DYNC2I2: variants seen among roughly 807,000 people sequenced by gnomAD.
The protein encoded by DYNC2I2 is dynein 2 intermediate chain 2.
A neutral mutation model predicts 52.0 loss-of-function variants in DYNC2I2; 39 were observed. That is an observed-to-expected ratio of 0.75 (90% confidence interval 0.58 to 0.98). DYNC2I2 has a LOEUF of 0.98. DYNC2I2 is among the 50% of genes least tolerant of loss of function. The pLI, the probability that DYNC2I2 is intolerant of heterozygous loss-of-function variation, is 0.00. For synonymous variants in DYNC2I2, 359 were observed against 321.1 expected (o/e 1.12, Z -1.26); for missense variants, 743 against 728.4 (o/e 1.02, Z -0.23).
the DYNC2I2 span, among the ~76,000 whole-genome samples, chr9:128,672,618 A>G: frequency 6.6e-6 from 1 of 152,170 alleles, no homozygotes; most frequent in Non-Finnish European, 1.5e-5. Flanking sequence ...GAGAAAAAAA[A>G]AAAGGAAAAA....
In DYNC2I2 at chr9:128,656,562, G is replaced by T. The variant is rs1589438550; in HGVS notation, c.165C>A (p.Val55=). 4 of 1,464,076 alleles carry T rather than the reference G, an allele frequency of 2.7e-6. No individual in the cohort carries two copies. The highest frequency in any genetic ancestry group is 3.6e-6 in the Non-Finnish European group (4 of 1,114,996). 90.7% of individuals were successfully genotyped at this position (1,464,076 alleles called of 1,614,324 possible). Reference sequence around the variant, plus strand: ...TCACCGTCTCCCAGCGGATGCCCTGGACGGCCCTCCACTGCGAGGGCACGG... The same window carrying T: ...TCACCGTCTCCCAGCGGATGCCCTGTACGGCCCTCCACTGCGAGGGCACGG... ...VASVPSQWRA[V]QGIRWETKSC... is the part of the protein sequence containing the mutation. Residue 55 remains valine, a synonymous_variant, in exon 1 of 9, where the codon GTC becomes GTA. Transcript: ENST00000372715.
intron 2 of DYNC2I2, among the ~76,000 whole-genome samples, chr9:128,638,780 G>T (rs1376152627): frequency 2.0e-5 from 3 of 152,162 alleles, no homozygotes; most frequent in African/African-American, 7.2e-5. Flanking sequence ...TAGCCAAAAA[G>T]GGGAATAGCC....
At chr9:128,635,989 C>T (rs1589429565) in intron 4 of DYNC2I2, 2 of 675,858 alleles carry the variant, frequency 3.0e-6, no homozygotes, top group East Asian at 5.4e-5. Flanking sequence ...TGGCAGCTCC[C>T]TCCAGCGTTG....
At chr9:128,653,187 C>A (rs1860751682) in intron 1 of DYNC2I2, among the ~76,000 whole-genome samples, 1 of 150,996 alleles carries the variant, frequency 6.6e-6, no homozygotes, top group Non-Finnish European at 1.5e-5. Context: ...TGAGATCACA[C>A]CACTGCACTT....
rs1439600245 is a variant in DYNC2I2 at position 128,636,424 on chromosome 9, T to A, written c.560A>T (p.Asp187Val). The stretch of plus-strand genomic sequence containing the variant: ...CACGAAGGACTTAAGCGTGCTCCAG[T>A]CCCCATGGTCCAGCCTGTGCAGGGA... ...ACAYGRLDHG[D>V]WSTLKSFVCA... Residue 187 changes from aspartate (D) to valine (V), a missense_variant, in exon 4 of 9, where the codon GAC (aspartate) becomes GTC (valine). Coordinates refer to ENST00000372715, the MANE Select transcript of DYNC2I2 (RefSeq NM_052844.4). 2.5e-6 allele frequency: 4 copies of A among 1,605,328 alleles called. No homozygotes were observed. The highest frequency in any genetic ancestry group is 3.4e-6 in the Non-Finnish European group (4 of 1,178,030).
chr9:128,656,785 G>A lies in DYNC2I2; in HGVS notation c.-59C>T, dbSNP rs1860838834. 1.5e-6 allele frequency: 2 copies of A among 1,306,978 alleles called. No individual in the cohort carries two copies. The highest frequency in any genetic ancestry group is 2.0e-5 in the South Asian group (1 of 48,798). 81.0% of individuals were successfully genotyped at this position (1,306,978 alleles called of 1,614,324 possible). A position where few individuals can be genotyped will look rare whatever the true frequency, so the allele number is the denominator to read the frequency against. On this transcript the variant is annotated 5_prime_UTR_variant, in exon 1 of 9. Transcript: ENST00000372715. ...CAGGCGCGACCTCCGCCCCTACGCC[G>A]CCATGAGCGGAAAACGGGGAATGTG...
the DYNC2I2 span, among the ~76,000 whole-genome samples, chr9:128,666,695 G>A: frequency 6.6e-6 from 1 of 150,704 alleles, no homozygotes; most frequent in African/African-American, 2.4e-5. Context: ...GGAGGCAGAG[G>A]TTTCAGTGAC....
chr9:128,643,717 C>T (rs72758830), intron 1 of DYNC2I2, among the ~76,000 whole-genome samples: 2 of 152,036 alleles, frequency 1.3e-5, no homozygotes, highest in Non-Finnish European at 2.9e-5. Context: ...CTCTGGGAAT[C>T]GTGGAAAGAA....
intron 1 of DYNC2I2, among the ~76,000 whole-genome samples, chr9:128,653,305 G>A (rs572304796): frequency 2.0e-5 from 3 of 151,256 alleles, no homozygotes; most frequent in Admixed American, 6.6e-5. Context: ...TTGGGAGGCC[G>A]AGGCAGGCAG....
At chr9:128,658,721 ATTTTTTTTTTTTT>A (rs746310535), upstream of DYNC2I2, among the ~76,000 whole-genome samples, 1 of 91,552 alleles carries the variant, frequency 1.1e-5, no homozygotes, top group Non-Finnish European at 2.0e-5. Context: ...ACCTGACCTA[ATTTTTTTTTTTTT>A]TTTTTTTTTT....
At chr9:128,656,889 G>A (rs889123124), upstream of DYNC2I2, 3 of 735,542 alleles carry the variant, frequency 4.1e-6, no homozygotes, top group South Asian at 3.0e-5. Context: ...GATTCTTCTC[G>A]GCCAGAGAGA....
intron 1 of DYNC2I2, among the ~76,000 whole-genome samples, chr9:128,653,185 C>T (rs1860751590): frequency 6.6e-6 from 1 of 150,766 alleles, no homozygotes; most frequent in African/African-American, 2.5e-5. Context: ...GCTGAGATCA[C>T]ACCACTGCAC....
intron 2 of DYNC2I2, among the ~76,000 whole-genome samples, chr9:128,638,063 C>A (rs1860447384): frequency 6.6e-6 from 1 of 151,290 alleles, no homozygotes; most frequent in African/African-American, 2.4e-5. Context: ...ATGGTGAAAC[C>A]CCGTCTCTAC....
At chr9:128,683,404 G>A in the DYNC2I2 span, 2 of 216,012 alleles carry the variant, frequency 9.3e-6, no homozygotes, top group East Asian at 6.8e-5. Context: ...TAGCGAAACC[G>A]GGCAGTGGGG....
At chr9:128,664,210 C>T in the DYNC2I2 span, among the ~76,000 whole-genome samples, 1 of 152,070 alleles carries the variant, frequency 6.6e-6, no homozygotes, top group African/African-American at 2.4e-5. Context: ...GATCAGCCTT[C>T]CAAAGTGCTG....
At position 128,636,906 on chromosome 9, in the gene DYNC2I2, G is replaced by A. The variant is rs76817280; in HGVS notation, c.545+12C>T. ...TGGCGAGCTGCCCCTCACCTGCCCC[G>A]CTGCCACTCACCGGCCGTAGGCACA... On this transcript the variant is annotated intron_variant, in intron 3 of 8. Coordinates refer to ENST00000372715, the MANE Select transcript of DYNC2I2 (RefSeq NM_052844.4). The A allele has an allele frequency of 3.2e-3, 5,135 of 1,605,306 alleles. 127 individuals are homozygous for A. The African/African-American group carries it at 0.058, about 18-fold the overall frequency.
chr9:128,635,629 C>A, intron 5 of DYNC2I2, 29 bp downstream of exon 5: 2 of 1,566,216 alleles, frequency 1.3e-6, no homozygotes, highest in Non-Finnish European at 8.7e-7. Flanking sequence ...GCCTCAGGGC[C>A]CACCCCGCCC....
chr9:128,669,839 C>T, the DYNC2I2 span, among the ~76,000 whole-genome samples: 17 of 152,232 alleles, frequency 1.1e-4, no homozygotes, highest in African/African-American at 3.4e-4. Context: ...CCACAATGCA[C>T]GCTTATATTT....
the DYNC2I2 span, among the ~76,000 whole-genome samples, chr9:128,663,771 G>A: frequency 6.8e-6 from 1 of 147,552 alleles, no homozygotes; most frequent in African/African-American, 2.5e-5. Flanking sequence ...TCCCAGCTCA[G>A]CCTCCCTAGT....
Sources: allele counts gnomAD v4.1 joint callset (sites outside exome capture counted in the v4.1 genomes callset), GRCh38; gene constraint gnomAD v4.1.1; transcripts MANE v1.5; gene names NCBI Gene and HGNC (gene_info 2026-07-23, HGNC 2026-07-21).